IDE: variants seen among roughly 807,000 people sequenced by gnomAD.
IDE encodes insulin degrading enzyme, also known as insulin-degrading enzyme.
IDE carries 58 observed loss-of-function variants against 133.2 expected under a neutral mutation model. That is an observed-to-expected ratio of 0.44 (90% CI 0.35 to 0.54). The LOEUF (loss-of-function observed/expected upper bound fraction) is 0.54. Ranked by LOEUF, IDE falls within the 20% of genes least tolerant of loss-of-function variation. The probability of loss-of-function intolerance (pLI) is 0.00; values close to 1 mark genes in which losing one functional copy is unlikely to be tolerated. For synonymous variants in IDE, 396 were observed against 421.3 expected (o/e 0.94, Z 0.73); for missense variants, 981 against 1,234.0 (o/e 0.79, Z 3.07).
intron 11 of IDE, among the ~76,000 whole-genome samples, chr10:92,500,636 TTC>T (rs1350186174): frequency 6.6e-6 from 1 of 152,210 alleles, no homozygotes; most frequent in Non-Finnish European, 1.5e-5. Context: ...CTGGACTCTG[TTC>T]TCTTCCAATG....
At chr10:92,465,546 G>T in intron 20 of IDE, 130 bp downstream of exon 20, 1 of 764,608 alleles carries the variant, frequency 1.3e-6, no homozygotes, top group Non-Finnish European at 2.2e-6. Context: ...CTGTAATAAG[G>T]TTTTCTCAAG....
At chr10:92,472,107 T>C (rs1845999188) in intron 17 of IDE, among the ~76,000 whole-genome samples, 1 of 152,216 alleles carries the variant, frequency 6.6e-6, no homozygotes, top group South Asian at 2.1e-4. Context: ...TTTTGGATTA[T>C]TGTAGGAGTA....
At chr10:92,507,495 C>A (rs549499971) in intron 9 of IDE, 80 bp downstream of exon 9, 2 of 794,788 alleles carry the variant, frequency 2.5e-6, no homozygotes, top group Non-Finnish European at 2.2e-6. Context: ...TTTAACTGGG[C>A]CTTAAATTTA....
chr10:92,535,024 G>C (rs1209871538), intron 2 of IDE, among the ~76,000 whole-genome samples: 3 of 152,190 alleles, frequency 2.0e-5, no homozygotes, highest in Non-Finnish European at 4.4e-5. Context: ...TAGTGTCTCT[G>C]AACATTAGTT....
rs376476204 is a variant in IDE at position 92,471,618 on chromosome 10, GTCTC to G, written c.2117-1277_2117-1274del. Among the ~76,000 whole-genome samples, 751 of 152,154 alleles carry G rather than the reference GTCTC, an allele frequency of 4.9e-3. 8 individuals carry two copies. Among genetic ancestry groups the G allele is most frequent in the African/African-American group, 0.017 (712 of 41,510 alleles). On this transcript the variant is annotated intron_variant, in intron 17 of 24. Transcript: ENST00000265986. ...TTTCCACCACAATACTTACCCCCTT[GTCTC>G]TCTCTATTAAAATGATCTACTTACA... is the stretch of plus-strand genomic sequence containing the variant.
At chr10:92,572,113 G>A (rs1297521457) in intron 1 of IDE, among the ~76,000 whole-genome samples, 4 of 152,090 alleles carry the variant, frequency 2.6e-5, no homozygotes, top group East Asian at 1.9e-4. Flanking sequence ...ATGGTCGACC[G>A]GACTTTATAA....
chr10:92,473,595 A>G (rs2135386744), intron 17 of IDE, among the ~76,000 whole-genome samples: 1 of 152,218 alleles, frequency 6.6e-6, no homozygotes, highest in South Asian at 2.1e-4. Context: ...CCAATTTTTA[A>G]CTGAACTGAT....
rs573633608 is a variant in IDE at position 92,459,916 on chromosome 10, G to A, written c.2823+1275C>T. Among the ~76,000 whole-genome samples the A allele has an allele frequency of 5.2e-3, 730 of 140,126 alleles. 8 individuals carry two copies. Among genetic ancestry groups the A allele is most frequent in the African/African-American group, 0.018 (692 of 37,466 alleles). 91.9% of individuals were successfully genotyped at this position (140,126 alleles called of 152,430 possible). On this transcript the variant is annotated intron_variant, in intron 22 of 24. Coordinates refer to ENST00000265986, the MANE Select transcript of IDE (RefSeq NM_004969.4). ...GCGATCTCAGCTCACTGCAACCTCC[G>A]CCTCCCGGGTTCAAGTGATTCTTCT...
At chr10:92,459,506 C>T (rs1845240158) in intron 22 of IDE, among the ~76,000 whole-genome samples, 1 of 152,066 alleles carries the variant, frequency 6.6e-6, no homozygotes, top group Admixed American at 6.6e-5. Context: ...ACTGAGTCCC[C>T]GTCCAAACAA....
At chr10:92,519,462 G>T (rs547113364) in intron 4 of IDE, among the ~76,000 whole-genome samples, 1 of 152,332 alleles carries the variant, frequency 6.6e-6, no homozygotes, top group Non-Finnish European at 1.5e-5. Context: ...GAGGAGCAGG[G>T]TTGCTCACCT....
chr10:92,503,256 C>T (rs888936587), intron 11 of IDE, among the ~76,000 whole-genome samples: 17 of 152,110 alleles, frequency 1.1e-4, no homozygotes, highest in Admixed American at 5.9e-4. Context: ...CAGTGAGACC[C>T]TATCTCTATA....
chr10:92,574,034 GCCGGGATCA>G lies in IDE; in HGVS notation c.-24_-16del, dbSNP rs1843934866. The stretch of plus-strand genomic sequence containing the variant: ...CGGTACCGCATTAGCCAGCGCAGTC[GCCGGGATCA>G]CCGCAAACGCTTCCTGCTTGCGCTT... On this transcript the variant is annotated 5_prime_UTR_variant, in exon 1 of 25. Coordinates refer to ENST00000265986, the MANE Select transcript of IDE (RefSeq NM_004969.4). The G allele has an allele frequency of 6.6e-7, 1 of 1,505,756 alleles. No individual in the cohort carries two copies. The highest frequency in any genetic ancestry group is 8.9e-7 in the Non-Finnish European group (1 of 1,128,714). The allele number at this position is 1,505,756 out of a possible 1,614,324, so 93.3% of individuals were successfully genotyped here. A position where few individuals can be genotyped will look rare whatever the true frequency, so the allele number is the denominator to read the frequency against.
At chr10:92,563,016 C>T (rs1247492540) in intron 1 of IDE, among the ~76,000 whole-genome samples, 6 of 151,882 alleles carry the variant, frequency 4.0e-5, no homozygotes, top group East Asian at 2.0e-4. Flanking sequence ...TTTGGGAGGC[C>T]GAGGTGGACA....
rs75944522 is a variant in IDE at position 92,519,405 on chromosome 10, C to T, written c.662-4363G>A. 2.6e-3 allele frequency among the ~76,000 whole-genome samples: 403 copies of T among 152,300 alleles called. 1 individual carries two copies. Among genetic ancestry groups the T allele is most frequent in the African/African-American group, 9.3e-3 (386 of 41,562 alleles). ...GCTACTTGTACTAAAATCTTGAATC[C>T]TACCTTTCTGGCTCTGTTGCATCCA... On this transcript the variant is annotated intron_variant, in intron 4 of 24. Coordinates refer to ENST00000265986, the MANE Select transcript of IDE (RefSeq NM_004969.4).
Position 92,526,150 on chromosome 10 carries a change from C to T in IDE, c.661+5598G>A, listed in dbSNP as rs543539078. 7.8e-5 allele frequency among the ~76,000 whole-genome samples: 11 copies of T among 140,876 alleles called. 1 individual carries two copies. In the South Asian group the frequency reaches 2.4e-3, roughly 31 times the overall value. The allele number at this position is 140,876 out of a possible 152,430, so 92.4% of individuals were successfully genotyped here. ...CCTGGGAGAAAGAGCGGGACTCCGT[C>T]TCAAAAAAAAAAAAAAAGTAAAGTA... is the stretch of plus-strand genomic sequence containing the variant. On this transcript the variant is annotated intron_variant, in intron 4 of 24. Transcript: ENST00000265986.
intron 11 of IDE, among the ~76,000 whole-genome samples, chr10:92,491,853 C>T (rs1465750386): frequency 2.6e-5 from 4 of 152,030 alleles, no homozygotes; most frequent in Admixed American, 6.5e-5. Flanking sequence ...TCAGGTGATC[C>T]GCCTGCCTCA....
chr10:92,545,601 T>C (rs1178347650), intron 1 of IDE, among the ~76,000 whole-genome samples: 2 of 152,200 alleles, frequency 1.3e-5, no homozygotes, highest in African/African-American at 4.8e-5. Flanking sequence ...GAGTGCAGAC[T>C]GAAGATCATG....
Position 92,514,947 on chromosome 10 carries a change from A to G in IDE, c.757T>C (p.Leu253=), listed in dbSNP as rs573338038. The G allele has an allele frequency of 2.5e-6, 4 of 1,612,694 alleles. No homozygotes were observed. Among genetic ancestry groups the G allele is most frequent in the African/African-American group, 2.7e-5 (2 of 75,016 alleles). The change falls in exon 5 of 25, where the codon TTA becomes CTA. Residue 253 remains leucine, a synonymous_variant. Coordinates refer to ENST00000265986, the MANE Select transcript of IDE (RefSeq NM_004969.4). ...CGACCTAAAACACAAACAGCCATTA[A>G]GTTGGATGAATAGTAAGCAGAATGG... ...KFHSAYYSSN[L]MAVCVLGRES...
intron 1 of IDE, chr10:92,554,957 T>A (rs1842941852): frequency 6.6e-6 from 1 of 152,156 alleles, no homozygotes; most frequent in Non-Finnish European, 1.5e-5. Flanking sequence ...GAAAAATAAT[T>A]TGACAAAATT....
Sources: allele counts gnomAD v4.1 joint callset (sites outside exome capture counted in the v4.1 genomes callset), GRCh38; gene constraint gnomAD v4.1.1; transcripts MANE v1.5; gene names NCBI Gene and HGNC (gene_info 2026-07-23, HGNC 2026-07-21).